Variants in STXBP5L observed in about 807,000 individuals in gnomAD.
STXBP5L encodes the protein syntaxin-binding protein 5-like.
A neutral mutation model predicts 144.5 loss-of-function variants in STXBP5L; 65 were observed. The ratio of observed to expected loss-of-function variants is 0.45; its 90% CI spans 0.37 to 0.55. The LOEUF is 0.55. STXBP5L is among the 20% of genes least tolerant of loss of function. The pLI is 0.00. For synonymous variants in STXBP5L, 505 were observed against 469.6 expected, an observed-to-expected ratio of 1.08 and a Z score of -0.97; for missense variants, 1,298 against 1,405.5, an observed-to-expected ratio of 0.92 and a Z score of 1.22.
intron 19 of STXBP5L, among the ~76,000 whole-genome samples, chr3:121,306,877 A>G (rs370956869): frequency 2.6e-5 from 4 of 152,244 alleles, no homozygotes; most frequent in African/African-American, 9.6e-5. Context: ...ATAATAGAAC[A>G]TCTGGTGGAT....
At chr3:121,244,182 G>A (rs184841122) in intron 14 of STXBP5L, among the ~76,000 whole-genome samples, 149 of 151,916 alleles carry the variant, frequency 9.8e-4, no homozygotes, top group African/African-American at 3.4e-3. Flanking sequence ...TTAGGGAAAT[G>A]ATGCATGAAC....
chr3:121,222,904 T>C lies in STXBP5L; in HGVS notation c.957-99T>C, dbSNP rs926390575. Reference sequence around the variant, plus strand: ...AAGTTTTTTGCTGTCTGTCATGTTATATGGTATGCAACAAAACCTGTTCTT... The same window carrying C: ...AAGTTTTTTGCTGTCTGTCATGTTACATGGTATGCAACAAAACCTGTTCTT... On this transcript the variant is annotated intron_variant, in intron 10 of 26. Coordinates refer to ENST00000471454, the MANE Select transcript of STXBP5L (RefSeq NM_001308330.2). 1.6e-5 allele frequency: 22 copies of C among 1,344,604 alleles called. No homozygotes were observed. The East Asian group carries it at 5.5e-4, about 34-fold the overall frequency. 83.3% of individuals were successfully genotyped at this position (1,344,604 alleles called of 1,614,324 possible).
rs556941465 is a variant in STXBP5L at position 121,206,290 on chromosome 3, C to G, written c.956+289C>G. Among the ~76,000 whole-genome samples the G allele has an allele frequency of 8.5e-5, 13 of 152,154 alleles. No homozygotes were observed. The South Asian group carries it at 2.7e-3, about 32-fold the overall frequency. On this transcript the variant is annotated intron_variant, in intron 10 of 26. Coordinates refer to ENST00000471454, the MANE Select transcript of STXBP5L (RefSeq NM_001308330.2). ...TTCTGGCCATGCATATTACAAGTAG[C>G]AGGATTTATTAAGCAGAAGCAATGT...
chr3:121,292,163 A>T (rs538004554), intron 19 of STXBP5L, among the ~76,000 whole-genome samples: 23 of 152,336 alleles, frequency 1.5e-4, no homozygotes, highest in African/African-American at 4.1e-4. Flanking sequence ...ACAAGGACTA[A>T]TATCTAGAAT....
Position 121,098,533 on chromosome 3 carries a change from T to G in STXBP5L, c.471-16392T>G, listed in dbSNP as rs145056504. ...ATCAAGGCAGAGAGATCTGCCTCCA[T>G]GACCCAAACACTATACCCATTTCCA... On this transcript the variant is annotated intron_variant, in intron 5 of 26. Transcript: ENST00000471454. Among the ~76,000 whole-genome samples, 3 of 152,342 alleles carry G rather than the reference T, an allele frequency of 2.0e-5. No homozygotes were observed. In the East Asian group the frequency reaches 5.8e-4, roughly 29 times the overall value.
chr3:121,365,452 A>G (rs1011459135), intron 20 of STXBP5L, among the ~76,000 whole-genome samples: 1 of 150,648 alleles, frequency 6.6e-6, no homozygotes, highest in African/African-American at 2.4e-5. Flanking sequence ...AAATCTTTTT[A>G]CTAGTTATAA....
chr3:120,963,500 A>C (rs1393836231), intron 3 of STXBP5L, among the ~76,000 whole-genome samples: 1 of 152,160 alleles, frequency 6.6e-6, no homozygotes, highest in African/African-American at 2.4e-5. Flanking sequence ...GAGTTTTGTC[A>C]AAGGTCTTTT....
intron 5 of STXBP5L, among the ~76,000 whole-genome samples, chr3:121,083,590 G>A (rs1404481305): frequency 6.6e-6 from 1 of 152,006 alleles, no homozygotes; most frequent in African/African-American, 2.4e-5. Flanking sequence ...TTGAACCTGG[G>A]AGGCAGATGT....
intron 19 of STXBP5L, among the ~76,000 whole-genome samples, chr3:121,293,587 C>T (rs566530371): frequency 1.3e-5 from 2 of 152,274 alleles, no homozygotes; most frequent in South Asian, 2.1e-4. Context: ...AGGCCAGGTG[C>T]GGTGGCTCAC....
chr3:121,153,287 G>T (rs548277972), intron 8 of STXBP5L, among the ~76,000 whole-genome samples: 2 of 151,946 alleles, frequency 1.3e-5, no homozygotes, highest in Non-Finnish European at 2.9e-5. Context: ...TAAGAAGACC[G>T]TAAAACTGGG....
chr3:120,940,795 T>C (rs1481883625), intron 2 of STXBP5L, among the ~76,000 whole-genome samples: 1 of 151,804 alleles, frequency 6.6e-6, no homozygotes, highest in East Asian at 1.9e-4. Flanking sequence ...AGTGTGCTGG[T>C]ATTCGTATTA....
chr3:121,128,358 G>A (rs2044813988), intron 7 of STXBP5L, among the ~76,000 whole-genome samples: 1 of 152,012 alleles, frequency 6.6e-6, no homozygotes, highest in Non-Finnish European at 1.5e-5. Flanking sequence ...AAGGGATCAG[G>A]GGATGATAAT....
chr3:121,063,935 G>T (rs767903091), intron 5 of STXBP5L, among the ~76,000 whole-genome samples: 1 of 152,126 alleles, frequency 6.6e-6, no homozygotes, highest in Admixed American at 6.5e-5. Context: ...GCTCGGTGGG[G>T]TTGGGGTCCA....
rs1425975070 is a variant in STXBP5L, at chr3:121,199,922, A to G, written c.878-6001A>G. 3.3e-5 allele frequency among the ~76,000 whole-genome samples: 5 copies of G among 152,280 alleles called. No homozygotes were observed. The East Asian group carries it at 7.7e-4, about 23-fold the overall frequency. ...GAAGATTTTTGTATTGATGTTCATC[A>G]GGGATATTGGCCTGAAATTTTCTTT... On this transcript the variant is annotated intron_variant, in intron 9 of 26. Transcript: ENST00000471454.
chr3:121,038,902 C>A (rs141129522), intron 3 of STXBP5L, among the ~76,000 whole-genome samples: 2 of 151,916 alleles, frequency 1.3e-5, no homozygotes, highest in East Asian at 1.9e-4. Context: ...ATTAATATAT[C>A]TTTCCACCTA....
At chr3:121,302,398 A>G (rs2051953198) in intron 19 of STXBP5L, among the ~76,000 whole-genome samples, 1 of 151,984 alleles carries the variant, frequency 6.6e-6, no homozygotes, top group South Asian at 2.1e-4. Context: ...TATCCCCTTT[A>G]TCATTTTTTA....
chr3:120,964,260 T>A (rs632018), intron 3 of STXBP5L, among the ~76,000 whole-genome samples: 32,442 of 152,132 alleles, frequency 0.21, 3,680 homozygotes, highest in Non-Finnish European at 0.26. Context: ...GGGTTTTTTG[T>A]GTCTCTATCT....
intron 9 of STXBP5L, among the ~76,000 whole-genome samples, chr3:121,171,647 G>A (rs529790795): frequency 9.9e-5 from 15 of 152,252 alleles, no homozygotes; most frequent in African/African-American, 2.9e-4. Context: ...TACAAGGGAT[G>A]TGTAAGACCT....
intron 7 of STXBP5L, among the ~76,000 whole-genome samples, chr3:121,148,864 T>A (rs1255492816): frequency 1.3e-5 from 2 of 152,128 alleles, no homozygotes; most frequent in African/African-American, 2.4e-5. Flanking sequence ...TAAATTAATT[T>A]GTGGTAGTGC....
Sources: allele counts gnomAD v4.1 joint callset (sites outside exome capture counted in the v4.1 genomes callset), GRCh38; gene constraint gnomAD v4.1.1; transcripts MANE v1.5; gene names NCBI Gene and HGNC (gene_info 2026-07-23, HGNC 2026-07-21).